TPM3: variants seen among roughly 807,000 people sequenced by gnomAD.
The protein encoded by TPM3 is tropomyosin alpha-3 chain.
TPM3 carries 16 observed loss-of-function variants against 43.1 expected under a neutral mutation model. The observed-to-expected ratio is 0.37, with a 90% CI of 0.25 to 0.56. The LOEUF (loss-of-function observed/expected upper bound fraction) is 0.56. Ranked by LOEUF, TPM3 falls within the 20% of genes least tolerant of loss-of-function variation. TPM3 has a pLI of 0.77. For missense variants in TPM3, 176 were observed against 337.2 expected (o/e 0.52, Z 3.74); for synonymous variants, 101 against 116.9 (o/e 0.86, Z 0.88).
At chr1:154,182,878 C>A in intron 2 of TPM3, 1 of 1,556,662 alleles carries the variant, frequency 6.4e-7, no homozygotes. Flanking sequence ...ACTTCATCTC[C>A]GAGCCCGCCG....
At chr1:154,188,366 A>C (rs1270342880) in intron 2 of TPM3, among the ~76,000 whole-genome samples, 2 of 151,672 alleles carry the variant, frequency 1.3e-5, no homozygotes, top group Non-Finnish European at 2.9e-5. Context: ...GGGCACAAGA[A>C]GGGAGAATTA....
At position 154,174,496 on chromosome 1, in the gene TPM3, C is replaced by T. The variant is rs145821558; in HGVS notation, c.378-1295G>A. Among the ~76,000 whole-genome samples the T allele has an allele frequency of 3.7e-3, 531 of 144,348 alleles. 6 individuals carry two copies. The highest frequency in any genetic ancestry group is 0.013 in the African/African-American group (508 of 39,362). The allele number at this position is 144,348 out of a possible 152,430, so 94.7% of individuals were successfully genotyped here. Reference sequence around the variant, plus strand: ...TTTTCCACACTCTTTTTTTTCCCCCCGGTATTCAGCATGCAGCTATCCTCA... The same window carrying T: ...TTTTCCACACTCTTTTTTTTCCCCCTGGTATTCAGCATGCAGCTATCCTCA... On this transcript the variant is annotated intron_variant, in intron 3 of 9. Transcript: ENST00000651641.
chr1:154,168,843 T>C (rs920652714), intron 9 of TPM3, among the ~76,000 whole-genome samples: 1 of 149,312 alleles, frequency 6.7e-6, no homozygotes, highest in Non-Finnish European at 1.5e-5. Flanking sequence ...TTTTTCTTTT[T>C]TTTTTTTTTT....
intron 2 of TPM3, among the ~76,000 whole-genome samples, chr1:154,181,381 C>T (rs773606838): frequency 8.8e-4 from 134 of 152,082 alleles, no homozygotes; most frequent in Middle Eastern, 3.4e-3. Flanking sequence ...AGAGGAGCAG[C>T]CAAAAAGAAA....
At chr1:154,191,715 C>CCAAGGT (rs1355562887) in intron 1 of TPM3, 187 bp downstream of exon 1, 21 of 1,530,438 alleles carry the variant, frequency 1.4e-5, no homozygotes, top group Non-Finnish European at 1.8e-5. Flanking sequence ...ACTGACTTTC[C>CCAAGGT]CAAGGTCACA....
chr1:154,157,775 T>C, downstream of TPM3: 1 of 780,172 alleles, frequency 1.3e-6, no homozygotes. Flanking sequence ...TTTCAAGGTC[T>C]ACCCGCTCTT....
rs534697983 is a variant in TPM3 at position 154,176,312 on chromosome 1, G to C, written c.244-64C>G. On this transcript the variant is annotated intron_variant, in intron 2 of 9. Coordinates refer to ENST00000651641, the MANE Select transcript of TPM3 (RefSeq NM_152263.4). The stretch of plus-strand genomic sequence containing the variant: ...CATGGAGAAAAGAAGAAATAACTAT[G>C]ACATTAAGATCAGGGTTGACTACCA... 4 of 1,611,496 alleles carry C rather than the reference G, an allele frequency of 2.5e-6. No individual in the cohort carries two copies. The East Asian group carries it at 8.9e-5, about 36-fold the overall frequency.
chr1:154,158,464 G>A (rs892715511), downstream of TPM3: 6 of 271,008 alleles, frequency 2.2e-5, no homozygotes, highest in Non-Finnish European at 4.3e-5. Flanking sequence ...AAAGAGGTGA[G>A]GAAAATACTC....
At chr1:154,157,123 C>T (rs1044215995), downstream of TPM3, 3 of 227,750 alleles carry the variant, frequency 1.3e-5, no homozygotes, top group African/African-American at 6.7e-5. Context: ...TTAGCTAGTA[C>T]TTTGTACAGA....
At position 154,167,789 on chromosome 1, in the gene TPM3, A is replaced by G. The variant is rs1661134159; in HGVS notation, c.*148T>C. The G allele has an allele frequency of 1.3e-6, 2 of 1,565,954 alleles. No individual in the cohort carries two copies. Among genetic ancestry groups the G allele is most frequent in the East Asian group, 4.6e-5 (2 of 43,886 alleles). On this transcript the variant is annotated 3_prime_UTR_variant, in exon 10 of 10. Transcript: ENST00000651641. The stretch of plus-strand genomic sequence containing the variant: ...TTTTAATTTGGGGTGGGGGTGGAAG[A>G]AAATACATAAGTTGCTTTTTGCTCC...
intron 2 of TPM3, among the ~76,000 whole-genome samples, chr1:154,182,303 G>A (rs1187421995): frequency 1.3e-5 from 2 of 152,172 alleles, no homozygotes; most frequent in African/African-American, 2.4e-5. Flanking sequence ...GCCGTTTCAC[G>A]TAGATTCAGA....
In TPM3 at chr1:154,192,037, G is replaced by C; in HGVS notation, c.-19C>G. 1 of 1,604,116 alleles carries C rather than the reference G, an allele frequency of 6.2e-7. No individual in the cohort carries two copies. The highest frequency in any genetic ancestry group is 8.5e-7 in the Non-Finnish European group (1 of 1,171,998). Reference sequence around the variant, plus strand: ...CCATCATGAGCAGTGGCTGTTGGTAGGCTCACCTGTGAACACTGGAGAACT... The same window carrying C: ...CCATCATGAGCAGTGGCTGTTGGTACGCTCACCTGTGAACACTGGAGAACT... On this transcript the variant is annotated 5_prime_UTR_variant, in exon 1 of 10. Coordinates refer to ENST00000651641, the MANE Select transcript of TPM3 (RefSeq NM_152263.4).
rs1661129968 is a variant in TPM3, at chr1:154,167,730, T to C, written c.*207A>G. 1 of 1,433,958 alleles carries C rather than the reference T, an allele frequency of 7.0e-7. No individual in the cohort carries two copies. Among genetic ancestry groups the C allele is most frequent in the Non-Finnish European group, 9.2e-7 (1 of 1,088,396 alleles). 88.8% of individuals were successfully genotyped at this position (1,433,958 alleles called of 1,614,324 possible). The stretch of plus-strand genomic sequence containing the variant: ...GCAACAGCTTTGTCAATGACACAAA[T>C]GCAGGGTGGCATGAGGTTTCCAGCA... On this transcript the variant is annotated 3_prime_UTR_variant, in exon 10 of 10. Coordinates refer to ENST00000651641, the MANE Select transcript of TPM3 (RefSeq NM_152263.4).
intron 8 of TPM3, chr1:154,169,935 T>C (rs1661390631): frequency 4.1e-6 from 1 of 244,918 alleles, no homozygotes; most frequent in African/African-American, 2.3e-5. Context: ...AGAAAGTATT[T>C]AGAAAGCTCC....
chr1:154,184,636 C>A (rs191872838), intron 2 of TPM3, among the ~76,000 whole-genome samples: 10 of 152,270 alleles, frequency 6.6e-5, no homozygotes, highest in African/African-American at 2.4e-4. Context: ...CACTGTCAGC[C>A]GGGCGGGGTG....
chr1:154,191,729 G>A, intron 1 of TPM3, 173 bp downstream of exon 1: 1 of 1,554,334 alleles, frequency 6.4e-7, no homozygotes, highest in Non-Finnish European at 8.7e-7. Context: ...GGTCACAAAG[G>A]CAGTCTGAGA....
rs1314133269 is a variant in TPM3, at chr1:154,191,206, C to A, written c.223G>T (p.Ala75Ser). 1.2e-6 allele frequency: 2 copies of A among 1,614,188 alleles called. No homozygotes were observed. The highest frequency in any genetic ancestry group is 2.2e-5 in the South Asian group (2 of 91,088). Residue 75 changes from alanine to serine, a missense_variant, in exon 2 of 10, where the codon GCA becomes TCA. Ala to Ser is a moderately conservative substitution (Grantham distance 99). Coordinates refer to ENST00000651641, the MANE Select transcript of TPM3 (RefSeq NM_152263.4). ...CTCACATCAGCAGCCTTCTTCTCTG[C>A]CAGTTCCAGCTTCTCCTGGGCATCC... The part of the protein sequence containing the change: ...LKDAQEKLEL[A>S]EKKAADAEAE...
chr1:154,178,971 T>C (rs1306116380), intron 2 of TPM3, among the ~76,000 whole-genome samples: 1 of 152,164 alleles, frequency 6.6e-6, no homozygotes, highest in Non-Finnish European at 1.5e-5. Flanking sequence ...TTCCCAAATA[T>C]GTCAACCCCT....
At chr1:154,172,522 A>AT (rs756176339) in intron 5 of TPM3, 1 of 491,474 alleles carries the variant, frequency 2.0e-6, no homozygotes, top group South Asian at 1.6e-5. Flanking sequence ...CATACTAAGT[A>AT]GCTGGGACTA....
Sources: gnomAD v4.1 joint callset for allele counts (sites outside exome capture counted in the v4.1 genomes callset) on GRCh38, gnomAD v4.1.1 for gene constraint, MANE v1.5 for transcripts, NCBI Gene and HGNC (gene_info 2026-07-23, HGNC 2026-07-21) for gene names.